CPS1: variants seen among roughly 807,000 people sequenced by gnomAD.
CPS1 encodes carbamoyl-phosphate synthase 1, also known as carbamoyl-phosphate synthase [ammonia], mitochondrial.
Under a neutral mutation model 174.6 loss-of-function variants are expected in CPS1, and 109 were observed. The ratio of observed to expected loss-of-function variants is 0.62; its 90% CI spans 0.53 to 0.73. The LOEUF is 0.73. CPS1 is among the 30% of genes least tolerant of loss of function. The probability of loss-of-function intolerance (pLI) is 0.00; values close to 1 mark genes in which losing one functional copy is unlikely to be tolerated. For synonymous variants in CPS1, 637 were observed against 632.0 expected (o/e 1.01, Z -0.12); for missense variants, 1,689 against 1,821.9 (o/e 0.93, Z 1.33).
chr2:210,607,982 A>T (rs1420808853), intron 18 of CPS1, among the ~76,000 whole-genome samples: 1 of 151,246 alleles, frequency 6.6e-6, no homozygotes. Flanking sequence ...AGATATGTAT[A>T]TGTACAGATA....
At chr2:210,655,116 G>T (rs1358341819) in intron 29 of CPS1, among the ~76,000 whole-genome samples, 1 of 152,118 alleles carries the variant, frequency 6.6e-6, no homozygotes, top group African/African-American at 2.4e-5. Flanking sequence ...TTGAACTAAG[G>T]TCTGTTTCCT....
At chr2:210,660,457 T>G in intron 31 of CPS1, 28 bp from the exon 32 acceptor site, 1 of 1,611,180 alleles carries the variant, frequency 6.2e-7, no homozygotes, top group East Asian at 2.2e-5. Flanking sequence ...CAATGTCCTC[T>G]TTCTCATTTT....
chr2:210,678,917 T>C lies in CPS1; in HGVS notation c.*932T>C, dbSNP rs1701620177. 1 of 152,224 alleles carries C rather than the reference T, an allele frequency of 6.6e-6. No homozygotes were observed. The highest frequency in any genetic ancestry group is 2.4e-5 in the African/African-American group (1 of 41,452). The allele number at this position is 152,224 out of a possible 1,614,324, so 9.4% of individuals were successfully genotyped here. On this transcript the variant is annotated 3_prime_UTR_variant, in exon 38 of 38. Coordinates refer to ENST00000233072, the MANE Select transcript of CPS1 (RefSeq NM_001875.5). ...AGTAAGGTTCATTCCCTTAAGACGATGGATTCTGTTGAACTATGGGGTCCC... is the reference window on the plus strand; with the variant it reads ...AGTAAGGTTCATTCCCTTAAGACGACGGATTCTGTTGAACTATGGGGTCCC...
chr2:210,618,953 T>G (rs1047564944), intron 21 of CPS1: 19 of 152,214 alleles, frequency 1.2e-4, no homozygotes, highest in Middle Eastern at 3.4e-3. Context: ...TGGTTTACTT[T>G]GAAGATCTCA....
In CPS1 at chr2:210,638,690, C is replaced by T. The variant is rs116094302; in HGVS notation, c.2830-460C>T. Among the ~76,000 whole-genome samples, 1,389 of 152,280 alleles carry T rather than the reference C, an allele frequency of 9.1e-3. 27 individuals carry two copies. Among genetic ancestry groups the T allele is most frequent in the African/African-American group, 0.03 (1,263 of 41,540 alleles). ...GTTCAATGAGATCTTGTTCTCCCCC[C>T]GTTCATCCCCTATGGCTTTATGGTA... On this transcript the variant is annotated intron_variant, in intron 22 of 37. Coordinates refer to ENST00000233072, the MANE Select transcript of CPS1 (RefSeq NM_001875.5).
chr2:210,590,932 A>G (rs1294628041), intron 9 of CPS1, 26 bp downstream of exon 9: 5 of 1,572,968 alleles, frequency 3.2e-6, no homozygotes, highest in Admixed American at 1.7e-5. Context: ...TTTTGCTTAC[A>G]GTAAACCAGC....
In CPS1 at chr2:210,485,229, C is replaced by CT. The variant is rs1252662941; in HGVS notation, c.3+7464dup. Among the ~76,000 whole-genome samples the CT allele has an allele frequency of 2.6e-3, 325 of 122,936 alleles. 1 individual carries two copies. Among genetic ancestry groups the CT allele is most frequent in the African/African-American group, 9.3e-3 (315 of 33,714 alleles). 80.7% of individuals were successfully genotyped at this position (122,936 alleles called of 152,430 possible). ...CCTGGGTGACAGAGCAAGACTACAT[C>CT]TCAAAAAAAAAAAAAATAAAATAAA... On this transcript the variant is annotated intron_variant, in intron 1 of 38. Transcript: ENST00000430249.
intron 22 of CPS1, among the ~76,000 whole-genome samples, chr2:210,638,202 G>C (rs1318666624): frequency 6.6e-6 from 1 of 152,154 alleles, no homozygotes; most frequent in Non-Finnish European, 1.5e-5. Context: ...AAATTTCCTA[G>C]CATGGTGGCT....
chr2:210,648,061 A>G lies in CPS1; in HGVS notation c.3336+4A>G, dbSNP rs776401808. On this transcript the variant is annotated splice_donor_region_variant and intron_variant, in intron 26 of 37. Coordinates refer to ENST00000233072, the MANE Select transcript of CPS1 (RefSeq NM_001875.5). ...TTGGAAAGCTGTTAATACTTTGGTA[A>G]GGAGAGAAACAAGTATCTGTTTCTA... The G allele has an allele frequency of 3.7e-6, 6 of 1,613,544 alleles. No individual in the cohort carries two copies. The Admixed American group carries it at 6.7e-5, about 18-fold the overall frequency.
At chr2:210,519,430 T>G (rs973765349) in intron 1 of CPS1, 11 of 152,070 alleles carry the variant, frequency 7.2e-5, no homozygotes, top group African/African-American at 2.7e-4. Context: ...ATCTGAAGTT[T>G]GAAATACTGT....
intron 26 of CPS1, 31 bp downstream of exon 26, chr2:210,648,088 T>C (rs780925258): frequency 6.2e-7 from 1 of 1,601,862 alleles, no homozygotes; most frequent in Non-Finnish European, 8.6e-7. Context: ...CTGTTTCTAA[T>C]GTTCTATTTT....
Position 210,556,827 on chromosome 2 carries a change from T to C in CPS1, c.94T>C (p.Ser32Pro). 1 of 1,613,126 alleles carries C rather than the reference T, an allele frequency of 6.2e-7. No homozygotes were observed. Among genetic ancestry groups the C allele is most frequent in the Non-Finnish European group, 8.5e-7 (1 of 1,179,350 alleles). ...GACTGCACACCAAAAATGGAAATTT[T>C]CAAGACCTGGCATCAGGCTCCTTTC... ...NVTAHQKWKFSRPGIRLLSVK... is the reference protein window; with the variant it reads ...NVTAHQKWKFPRPGIRLLSVK... The change falls in exon 1 of 38, where the codon TCA (serine) becomes CCA (proline). Residue 32 changes from serine to proline, a missense_variant. Transcript: ENST00000233072.
In CPS1 at chr2:210,608,395, C is replaced by T. The variant is rs1489419143; in HGVS notation, c.2227C>T (p.Leu743=). The T allele has an allele frequency of 1.2e-6, 2 of 1,612,018 alleles. No individual in the cohort carries two copies. The highest frequency in any genetic ancestry group is 1.7e-6 in the Non-Finnish European group (2 of 1,178,836). ...PLAFIAAKIA[L]GIPLPEIKNV... ...GGCATTCATTGCTGCAAAGATTGCC[C>T]TAGGAATCCCACTTCCAGAAATTAA... Residue 743 remains leucine (L), a synonymous_variant, in exon 19 of 38, where the codon CTA becomes TTA. Coordinates refer to ENST00000233072, the MANE Select transcript of CPS1 (RefSeq NM_001875.5).
Position 210,655,075 on chromosome 2 carries a change from CT to C in CPS1, c.3558+981del, listed in dbSNP as rs35970365. ...ATTGTAAGATTATATATTGTGGTCA[CT>C]TTTTTTTGACATCTCAGGTATTCTT... is the stretch of plus-strand genomic sequence containing the variant. On this transcript the variant is annotated intron_variant, in intron 29 of 37. Coordinates refer to ENST00000233072, the MANE Select transcript of CPS1 (RefSeq NM_001875.5). Among the ~76,000 whole-genome samples, 14 of 152,040 alleles carry C rather than the reference CT, an allele frequency of 9.2e-5. No individual in the cohort carries two copies. In the South Asian group the frequency reaches 2.5e-3, roughly 27 times the overall value.
At chr2:210,487,859 T>C (rs2105947705) in intron 1 of CPS1, among the ~76,000 whole-genome samples, 1 of 152,298 alleles carries the variant, frequency 6.6e-6, no homozygotes, top group East Asian at 1.9e-4. Flanking sequence ...TTAGCATCAG[T>C]GAAATGTCAG....
chr2:210,597,823 C>CATATATATATATATATATATATATATAT (rs1169393511), intron 13 of CPS1, among the ~76,000 whole-genome samples: 9 of 148,316 alleles, frequency 6.1e-5, no homozygotes, highest in African/African-American at 1.0e-4. Context: ...TGAATACCTT[C>CATATATATATATATATATATATATATAT]ATATATATAC....
At chr2:210,600,742 G>A (rs1417590576) in intron 15 of CPS1, 30 bp downstream of exon 15, 2 of 1,609,236 alleles carry the variant, frequency 1.2e-6, no homozygotes, top group Non-Finnish European at 1.7e-6. Context: ...GAAAAACAAG[G>A]GCATTATTTG....
At chr2:210,588,216 C>A in intron 7 of CPS1, 69 bp downstream of exon 7, 2 of 1,353,820 alleles carry the variant, frequency 1.5e-6, no homozygotes, top group Non-Finnish European at 2.1e-6. Context: ...CTAATTTCCT[C>A]TGTCACAGAG....
At chr2:210,511,503 G>T (rs1695491145) in intron 1 of CPS1, among the ~76,000 whole-genome samples, 1 of 150,668 alleles carries the variant, frequency 6.6e-6, no homozygotes, top group Non-Finnish European at 1.5e-5. Flanking sequence ...TGCACATTGT[G>T]CACATGTACC....
Sources: allele counts gnomAD v4.1 joint callset (sites outside exome capture counted in the v4.1 genomes callset), GRCh38; gene constraint gnomAD v4.1.1; transcripts MANE v1.5; gene names NCBI Gene and HGNC (gene_info 2026-07-23, HGNC 2026-07-21).